The following PPP1R12A variants were observed in gnomAD, a reference collection of about 807,000 sequenced individuals.
PPP1R12A encodes protein phosphatase 1 regulatory subunit 12A, also known as myosin binding subunit.
PPP1R12A carries 19 observed loss-of-function variants against 139.6 expected under a neutral mutation model. The observed-to-expected ratio is 0.14, with a 90% CI of 0.09 to 0.20. The LOEUF is 0.20. Ranked by LOEUF, PPP1R12A falls within the 10% of genes least tolerant of loss-of-function variation. PPP1R12A has a pLI of 1.00. For synonymous variants in PPP1R12A, 427 were observed against 420.6 expected, an observed-to-expected ratio of 1.02 and a Z score of -0.19; for missense variants, 925 against 1,211.5, an observed-to-expected ratio of 0.76 and a Z score of 3.51.
At chr12:79,839,636 G>A (rs1196011337) in intron 3 of PPP1R12A, among the ~76,000 whole-genome samples, 2 of 152,086 alleles carry the variant, frequency 1.3e-5, no homozygotes, top group Non-Finnish European at 2.9e-5. Flanking sequence ...GAGATCTGAC[G>A]GTTTTAAAAG....
intron 24 of PPP1R12A, chr12:79,777,684 T>C (rs764392695): frequency 6.3e-6 from 6 of 958,670 alleles, no homozygotes; most frequent in Non-Finnish European, 7.4e-6. Flanking sequence ...GAAATAGGAA[T>C]AAAAAATAAG....
intron 3 of PPP1R12A, among the ~76,000 whole-genome samples, chr12:79,843,796 CG>C (rs1879063514): frequency 6.6e-6 from 1 of 151,356 alleles, no homozygotes; most frequent in African/African-American, 2.4e-5. Flanking sequence ...CTCCGCCTCC[CG>C]GGTTCAAGCA....
rs542715402 is a variant in PPP1R12A at position 79,930,748 on chromosome 12, G to A, written c.237+3947C>T. Among the ~76,000 whole-genome samples, 33 of 151,824 alleles carry A rather than the reference G, an allele frequency of 2.2e-4. 1 individual carries two copies. Among genetic ancestry groups the A allele is most frequent in the Non-Finnish European group, 4.6e-4 (31 of 67,986 alleles). On this transcript the variant is annotated intron_variant, in intron 1 of 24. Coordinates refer to ENST00000450142, the MANE Select transcript of PPP1R12A (RefSeq NM_002480.3). ...GATAGCGCCATTGCACTCCAGCCTG[G>A]GCAACAAGAGCAAAACTCCATCTCA...
chr12:79,862,574 A>G (rs1434313901), intron 2 of PPP1R12A, among the ~76,000 whole-genome samples: 1 of 152,214 alleles, frequency 6.6e-6, no homozygotes, highest in East Asian at 1.9e-4. Flanking sequence ...ACCTTGAAAA[A>G]AGGTTAGACA....
At chr12:79,858,271 T>A (rs918614176) in intron 2 of PPP1R12A, among the ~76,000 whole-genome samples, 2 of 152,224 alleles carry the variant, frequency 1.3e-5, no homozygotes, top group Admixed American at 6.5e-5. Flanking sequence ...GTTTCCTTTG[T>A]TAAATAATCT....
intron 2 of PPP1R12A, among the ~76,000 whole-genome samples, chr12:79,862,715 T>G (rs1243924743): frequency 1.3e-5 from 2 of 151,908 alleles, no homozygotes; most frequent in Non-Finnish European, 2.9e-5. Context: ...AGAAATGATA[T>G]CAGTGATGGA....
At chr12:79,787,188 C>G (rs2136992721) in intron 21 of PPP1R12A, 1 of 152,134 alleles carries the variant, frequency 6.6e-6, no homozygotes, top group East Asian at 1.9e-4. Context: ...CATAGGCCAA[C>G]CATTCCATTT....
At chr12:79,926,081 G>A (rs1220666548) in intron 1 of PPP1R12A, among the ~76,000 whole-genome samples, 1 of 152,090 alleles carries the variant, frequency 6.6e-6, no homozygotes, top group Non-Finnish European at 1.5e-5. Flanking sequence ...TTTTCTAAAT[G>A]AACACTCAAG....
intron 1 of PPP1R12A, among the ~76,000 whole-genome samples, chr12:79,922,897 G>A (rs561148905): frequency 4.6e-5 from 7 of 152,266 alleles, no homozygotes; most frequent in African/African-American, 1.4e-4. Flanking sequence ...TAAATGGCAT[G>A]TTATTTTGAG....
chr12:79,870,460 T>C (rs1324338058), intron 2 of PPP1R12A, among the ~76,000 whole-genome samples: 3 of 152,194 alleles, frequency 2.0e-5, no homozygotes, highest in African/African-American at 7.2e-5. Context: ...TGGGCTATCA[T>C]CACCTTAACA....
intron 23 of PPP1R12A, 180 bp from the exon 24 acceptor site, chr12:79,778,780 TCTTTATC>T: frequency 2.4e-6 from 1 of 411,612 alleles, no homozygotes; most frequent in Non-Finnish European, 4.3e-6. Context: ...AATATGAAGA[TCTTTATC>T]CTTAGAGTAC....
intron 1 of PPP1R12A, among the ~76,000 whole-genome samples, chr12:79,884,223 C>T (rs1883900911): frequency 1.3e-5 from 2 of 152,126 alleles, no homozygotes; most frequent in South Asian, 4.1e-4. Flanking sequence ...AAGGTGATTA[C>T]ACTGGCTCTT....
intron 2 of PPP1R12A, among the ~76,000 whole-genome samples, chr12:79,864,364 C>G (rs543753536): frequency 1.6e-4 from 24 of 152,212 alleles, no homozygotes; most frequent in South Asian, 6.2e-4. Context: ...ATTTATAGCA[C>G]TAAATGCCCA....
At chr12:79,792,971 A>T (rs1246228012) in intron 19 of PPP1R12A, among the ~76,000 whole-genome samples, 3 of 152,216 alleles carry the variant, frequency 2.0e-5, no homozygotes, top group Non-Finnish European at 4.4e-5. Flanking sequence ...TGGCCCTAAA[A>T]TAATGTTCAC....
At chr12:79,836,692 C>T (rs1038502589) in intron 3 of PPP1R12A, among the ~76,000 whole-genome samples, 4 of 152,076 alleles carry the variant, frequency 2.6e-5, no homozygotes, top group Non-Finnish European at 5.9e-5. Flanking sequence ...CCGTGCTTAG[C>T]TCATCAAAAA....
At chr12:79,886,841 T>C (rs1162749127) in intron 1 of PPP1R12A, among the ~76,000 whole-genome samples, 2 of 152,150 alleles carry the variant, frequency 1.3e-5, no homozygotes, top group Non-Finnish European at 2.9e-5. Flanking sequence ...TAAAATATGC[T>C]CTTTATCTAT....
At chr12:79,808,433 A>G in intron 11 of PPP1R12A, 50 bp downstream of exon 11, 1 of 1,234,352 alleles carries the variant, frequency 8.1e-7, no homozygotes, top group Non-Finnish European at 1.2e-6. Context: ...CTAATGCTAG[A>G]TAATAAAGAT....
At chr12:79,929,633 G>C (rs1888101055) in intron 1 of PPP1R12A, among the ~76,000 whole-genome samples, 1 of 152,040 alleles carries the variant, frequency 6.6e-6, no homozygotes, top group African/African-American at 2.4e-5. Context: ...GCCAGGCATG[G>C]TGCCACGCAC....
In PPP1R12A at chr12:79,817,405, G is replaced by T. The variant is rs1446062837; in HGVS notation, c.1228C>A (p.Pro410Thr). 1.2e-6 allele frequency: 2 copies of T among 1,611,484 alleles called. No individual in the cohort carries two copies. The highest frequency in any genetic ancestry group is 1.7e-6 in the Non-Finnish European group (2 of 1,178,584). Residue 410 changes from proline to threonine, a missense_variant, in exon 9 of 25, where the codon CCT becomes ACT. Physicochemically the swap from Pro to Thr is conservative, Grantham distance 38 (BLOSUM62 -1). This residue lies in a region of PPP1R12A where 403 missense variants were observed against 463.7 expected (regional missense o/e 0.87). Transcript: ENST00000450142. ...CAATTTTGGCTTACCTTTTTAATAG[G>T]TGATGTAGGTGTTGCTTGACCTGAT... ...VSSGQATPTS[P>T]IKKFPTTATK...
Sources: allele counts gnomAD v4.1 joint callset (sites outside exome capture counted in the v4.1 genomes callset), GRCh38; gene constraint gnomAD v4.1.1; regional missense constraint gnomAD v4.1.1; transcripts MANE v1.5; gene names NCBI Gene and HGNC (gene_info 2026-07-23, HGNC 2026-07-21).